Variants in PDGFC observed in about 807,000 individuals in gnomAD.
PDGFC encodes platelet-derived growth factor C.
Under a neutral mutation model 35.5 loss-of-function variants are expected in PDGFC, and 12 were observed. That is an observed-to-expected ratio of 0.34 (90% CI 0.22 to 0.55). The LOEUF is 0.55. PDGFC is among the 20% of genes least tolerant of loss of function. The pLI is 0.91. For missense variants in PDGFC, 322 were observed against 412.4 expected (o/e 0.78, Z 1.90); for synonymous variants, 159 against 148.8 (o/e 1.07, Z -0.50).
chr4:156,869,304 C>T (rs1380733139), intron 1 of PDGFC, among the ~76,000 whole-genome samples: 2 of 151,690 alleles, frequency 1.3e-5, no homozygotes, highest in Admixed American at 6.6e-5. Flanking sequence ...GGCATGGTGG[C>T]GGGTGCCTGT....
rs964586243 is a variant in PDGFC, at chr4:156,930,599, G to A, written c.118+40187C>T. On this transcript the variant is annotated intron_variant, in intron 1 of 5. Coordinates refer to ENST00000502773, the MANE Select transcript of PDGFC (RefSeq NM_016205.3). The stretch of plus-strand genomic sequence containing the variant: ...AATCTAGGTTTAGGCCGGGCGCAGC[G>A]TCTCACGCCTGTAATCCCGGCACTT... 3.3e-4 allele frequency among the ~76,000 whole-genome samples: 51 copies of A among 152,326 alleles called. 1 individual carries two copies. The highest frequency in any genetic ancestry group is 2.6e-3 in the Admixed American group (40 of 15,302).
intron 1 of PDGFC, among the ~76,000 whole-genome samples, chr4:156,900,556 A>C (rs970605547): frequency 1.3e-5 from 2 of 152,074 alleles, no homozygotes; most frequent in Non-Finnish European, 2.9e-5. Flanking sequence ...AGAAGAGGAT[A>C]GGAAGCGGGT....
intron 1 of PDGFC, among the ~76,000 whole-genome samples, chr4:156,891,843 A>G (rs907134441): frequency 6.6e-6 from 1 of 152,242 alleles, no homozygotes; most frequent in East Asian, 1.9e-4. Flanking sequence ...AGCTTTGATT[A>G]CAAGTGATCA....
intron 1 of PDGFC, among the ~76,000 whole-genome samples, chr4:156,931,207 TA>T (rs1731542265): frequency 6.6e-6 from 1 of 152,188 alleles, no homozygotes; most frequent in African/African-American, 2.4e-5. Flanking sequence ...TCTTTTGTAT[TA>T]GGGGTAAAAT....
chr4:156,970,138 A>C (rs1048406796), intron 1 of PDGFC, among the ~76,000 whole-genome samples: 3 of 152,232 alleles, frequency 2.0e-5, no homozygotes, highest in Non-Finnish European at 4.4e-5. Context: ...TGCAGGATTA[A>C]GTCGTTTCCA....
At chr4:156,881,180 A>AAAT (rs1730231992) in intron 1 of PDGFC, among the ~76,000 whole-genome samples, 3 of 152,204 alleles carry the variant, frequency 2.0e-5, no homozygotes, top group African/African-American at 7.2e-5. Context: ...CACTTTGAAC[A>AAAT]GTCAGCAGCC....
At chr4:156,851,277 T>C (rs1729445415) in intron 1 of PDGFC, among the ~76,000 whole-genome samples, 1 of 152,168 alleles carries the variant, frequency 6.6e-6, no homozygotes, top group Non-Finnish European at 1.5e-5. Flanking sequence ...TAGCAGTACA[T>C]GAAAATATTA....
intron 1 of PDGFC, among the ~76,000 whole-genome samples, chr4:156,910,599 T>C (rs1731015768): frequency 6.6e-6 from 1 of 152,144 alleles, no homozygotes; most frequent in South Asian, 2.1e-4. Flanking sequence ...TATTGACTTT[T>C]ATTAAAAAAA....
intron 3 of PDGFC, among the ~76,000 whole-genome samples, chr4:156,800,990 T>C (rs1252387360): frequency 1.3e-5 from 2 of 152,200 alleles, no homozygotes; most frequent in Non-Finnish European, 2.9e-5. Flanking sequence ...TGTTAAGGTG[T>C]AGAAGTAAAG....
chr4:156,782,708 G>A (rs546575705), intron 3 of PDGFC, among the ~76,000 whole-genome samples: 2 of 152,230 alleles, frequency 1.3e-5, no homozygotes, highest in East Asian at 1.9e-4. Flanking sequence ...AGGTCAAAAC[G>A]ATCACCAGGG....
intron 3 of PDGFC, among the ~76,000 whole-genome samples, chr4:156,796,405 T>G (rs1731441857): frequency 1.3e-5 from 2 of 151,958 alleles, no homozygotes; most frequent in African/African-American, 4.8e-5. Context: ...CAATGTCTGT[T>G]TCCAGGTTGT....
chr4:156,819,409 AC>A (rs1207760986), intron 2 of PDGFC, among the ~76,000 whole-genome samples: 1 of 152,228 alleles, frequency 6.6e-6, no homozygotes, highest in Non-Finnish European at 1.5e-5. Flanking sequence ...TGGTGACTTT[AC>A]GTTGAAGCTA....
chr4:156,848,006 C>A (rs1402271872), intron 2 of PDGFC, among the ~76,000 whole-genome samples: 4 of 151,580 alleles, frequency 2.6e-5, no homozygotes, highest in Non-Finnish European at 5.9e-5. Context: ...CTATTGGATA[C>A]CCTCCTGAAA....
chr4:156,899,267 T>C (rs1390275117), intron 1 of PDGFC, among the ~76,000 whole-genome samples: 4 of 152,186 alleles, frequency 2.6e-5, no homozygotes, highest in Non-Finnish European at 5.9e-5. Flanking sequence ...TTACAAGTAA[T>C]CATGTGAAGT....
At position 156,761,409 on chromosome 4, in the gene PDGFC, G is replaced by A. The variant is rs1730372471; in HGVS notation, c.*1681C>T. 6.6e-6 allele frequency: 1 copy of A among 152,152 alleles called. No homozygotes were observed. The highest frequency in any genetic ancestry group is 2.4e-5 in the African/African-American group (1 of 41,430). 9.4% of individuals were successfully genotyped at this position (152,152 alleles called of 1,614,324 possible). On this transcript the variant is annotated 3_prime_UTR_variant, in exon 6 of 6. Transcript: ENST00000502773. ...AAGTCAGGTGAAACTTAAATTACCA[G>A]AAATCTGTATTAAGACCAGTAAGAA...
chr4:156,923,043 T>A (rs902005674), intron 1 of PDGFC, among the ~76,000 whole-genome samples: 1 of 152,230 alleles, frequency 6.6e-6, no homozygotes, highest in African/African-American at 2.4e-5. Context: ...GATTATATTT[T>A]TTAAATAAAT....
At chr4:156,908,033 G>A (rs1438038929) in intron 1 of PDGFC, among the ~76,000 whole-genome samples, 3 of 152,070 alleles carry the variant, frequency 2.0e-5, no homozygotes, top group Admixed American at 1.3e-4. Flanking sequence ...TGGGCATGGC[G>A]GCATGCACCT....
At chr4:156,902,170 A>G (rs866486951) in intron 1 of PDGFC, among the ~76,000 whole-genome samples, 12 of 152,188 alleles carry the variant, frequency 7.9e-5, no homozygotes, top group South Asian at 4.1e-4. Flanking sequence ...CTACTTATTG[A>G]GCTTATTTTT....
intron 1 of PDGFC, among the ~76,000 whole-genome samples, chr4:156,932,897 T>TA (rs901450607): frequency 2.1e-4 from 30 of 144,210 alleles, no homozygotes; most frequent in African/African-American, 6.4e-4. Context: ...AAGGTATAAT[T>TA]AAAAAAAAAA....
Sources: gnomAD v4.1 joint callset for allele counts (sites outside exome capture counted in the v4.1 genomes callset) on GRCh38, gnomAD v4.1.1 for gene constraint, MANE v1.5 for transcripts, NCBI Gene and HGNC (gene_info 2026-07-23, HGNC 2026-07-21) for gene names.